AFF3: variants seen among roughly 807,000 people sequenced by gnomAD.
AFF3 encodes the protein AF4/FMR2 family member 3.
In AFF3, 32 loss-of-function variants were observed where a neutral mutation model predicts 129.7. That is an observed-to-expected ratio of 0.25 (90% CI 0.19 to 0.33). The LOEUF is 0.33. AFF3 is among the 10% of genes least tolerant of loss of function. The pLI, the probability that AFF3 is intolerant of heterozygous loss-of-function variation, is 1.00. For synonymous variants in AFF3, 644 were observed against 635.4 expected (o/e 1.01, Z -0.20); for missense variants, 1,373 against 1,592.0 (o/e 0.86, Z 2.34).
intron 22 of AFF3, among the ~76,000 whole-genome samples, chr2:99,555,385 C>T (rs182190254): frequency 1.3e-5 from 2 of 152,314 alleles, no homozygotes; most frequent in African/African-American, 4.8e-5. Flanking sequence ...ATTGTTTTAA[C>T]TTAGGAAGTT....
chr2:99,641,600 C>T (rs1008994065), intron 13 of AFF3, among the ~76,000 whole-genome samples: 1 of 152,138 alleles, frequency 6.6e-6, no homozygotes. Context: ...ATCATTTGAA[C>T]CCAGGAGGTG....
At chr2:99,647,925 G>A (rs1684837659) in intron 13 of AFF3, among the ~76,000 whole-genome samples, 2 of 152,154 alleles carry the variant, frequency 1.3e-5, no homozygotes, top group Non-Finnish European at 1.5e-5. Context: ...AAATGGCATT[G>A]TTCATCATTA....
intron 9 of AFF3, among the ~76,000 whole-genome samples, chr2:99,750,483 T>C (rs566773825): frequency 1.3e-5 from 2 of 148,256 alleles, no homozygotes; most frequent in East Asian, 2.0e-4. Flanking sequence ...GGCGTGATCA[T>C]AGCTCACTGT....
chr2:99,668,944 C>T (rs1244029932), intron 12 of AFF3, among the ~76,000 whole-genome samples: 2 of 152,062 alleles, frequency 1.3e-5, no homozygotes, highest in Non-Finnish European at 2.9e-5. Context: ...TCAGTATTAC[C>T]CTGATATCAA....
intron 1 of AFF3, among the ~76,000 whole-genome samples, chr2:100,138,197 G>A (rs1692709308): frequency 6.6e-6 from 1 of 152,160 alleles, no homozygotes; most frequent in African/African-American, 2.4e-5. Context: ...ACCATGCATA[G>A]ATGTGGGAGA....
At chr2:100,134,878 A>T (rs1257723117) in intron 1 of AFF3, among the ~76,000 whole-genome samples, 2 of 152,210 alleles carry the variant, frequency 1.3e-5, no homozygotes, top group East Asian at 1.9e-4. Flanking sequence ...ATGGCAACTA[A>T]ATATATATGG....
In AFF3 at chr2:99,941,701, C is replaced by T. The variant is rs567994515; in HGVS notation, c.873+64931G>A. 2.0e-5 allele frequency among the ~76,000 whole-genome samples: 3 copies of T among 152,338 alleles called. No individual in the cohort carries two copies. In the South Asian group the frequency reaches 6.2e-4, roughly 32 times the overall value. ...GACTTAGCTAAAACCCCTCTTCTGT[C>T]CTTCCTCCTTCTTCCTCCTTCCTAT... On this transcript the variant is annotated intron_variant, in intron 7 of 24. Coordinates refer to ENST00000672756, the MANE Select transcript of AFF3 (RefSeq NM_001386135.1).
chr2:99,624,709 C>G (rs761327557), intron 13 of AFF3, among the ~76,000 whole-genome samples: 4 of 152,220 alleles, frequency 2.6e-5, no homozygotes, highest in Non-Finnish European at 4.4e-5. Context: ...CAAGAAAAAG[C>G]TTCCACTTTA....
At chr2:99,787,726 A>AAAAC (rs751909065) in intron 8 of AFF3, among the ~76,000 whole-genome samples, 3 of 152,098 alleles carry the variant, frequency 2.0e-5, no homozygotes, top group Admixed American at 1.3e-4. Context: ...CAGGGAGAAG[A>AAAAC]AAACAAACAA....
intron 7 of AFF3, among the ~76,000 whole-genome samples, chr2:99,985,262 C>G (rs1473024720): frequency 3.3e-5 from 5 of 152,196 alleles, no homozygotes; most frequent in Non-Finnish European, 7.3e-5. Context: ...CATCATCTTG[C>G]AACTAAATTT....
intron 7 of AFF3, among the ~76,000 whole-genome samples, chr2:99,886,293 C>T (rs1693106131): frequency 6.6e-6 from 1 of 152,164 alleles, no homozygotes; most frequent in Admixed American, 6.5e-5. Context: ...GGAGCACTTA[C>T]TTTGTCCCTG....
intron 8 of AFF3, among the ~76,000 whole-genome samples, chr2:99,776,937 G>A (rs1413524612): frequency 2.0e-5 from 3 of 152,186 alleles, no homozygotes; most frequent in Non-Finnish European, 2.9e-5. Context: ...GCACTGGGCC[G>A]AGCATGTCAA....
At chr2:99,926,304 C>T (rs1490637688) in intron 7 of AFF3, among the ~76,000 whole-genome samples, 1 of 152,168 alleles carries the variant, frequency 6.6e-6, no homozygotes, top group African/African-American at 2.4e-5. Flanking sequence ...CCCACCTGCC[C>T]TTCTCCCCAG....
At chr2:99,892,468 T>C (rs766523016) in intron 7 of AFF3, among the ~76,000 whole-genome samples, 2 of 152,218 alleles carry the variant, frequency 1.3e-5, no homozygotes, top group Non-Finnish European at 2.9e-5. Flanking sequence ...AGCTTTATAA[T>C]AAACTTTATA....
intron 8 of AFF3, among the ~76,000 whole-genome samples, chr2:99,771,508 G>C (rs1683487782): frequency 6.6e-6 from 1 of 151,874 alleles, no homozygotes; most frequent in African/African-American, 2.4e-5. Context: ...TTCTGAATAG[G>C]AAGAAGGCTG....
chr2:99,733,200 A>C (rs1209657651), intron 10 of AFF3, among the ~76,000 whole-genome samples: 1 of 152,026 alleles, frequency 6.6e-6, no homozygotes. Context: ...TAACACAGTG[A>C]AACCCTGTTT....
At chr2:99,999,674 G>A (rs927612004) in intron 7 of AFF3, among the ~76,000 whole-genome samples, 1 of 152,104 alleles carries the variant, frequency 6.6e-6, no homozygotes, top group African/African-American at 2.4e-5. Context: ...TTGTTTCTGA[G>A]GGCTATGTGC....
chr2:99,565,762 G>T, intron 19 of AFF3, 139 bp from the exon 20 acceptor site: 1 of 961,282 alleles, frequency 1.0e-6, no homozygotes, highest in Non-Finnish European at 1.5e-6. Flanking sequence ...GAAAGAAATA[G>T]AATACTTCTT....
chr2:99,651,173 CAAAA>C (rs113457105), intron 12 of AFF3, among the ~76,000 whole-genome samples: 15 of 121,978 alleles, frequency 1.2e-4, no homozygotes, highest in Admixed American at 2.4e-4. Context: ...AAGTCTGTCT[CAAAA>C]AAAAAAAAAA....
Sources: allele counts gnomAD v4.1 joint callset (sites outside exome capture counted in the v4.1 genomes callset), GRCh38; gene constraint gnomAD v4.1.1; transcripts MANE v1.5; gene names NCBI Gene and HGNC (gene_info 2026-07-23, HGNC 2026-07-21).